CCDC102B: variants seen among roughly 807,000 people sequenced by gnomAD.
The protein encoded by CCDC102B is coiled-coil domain containing 102B, also known as coiled-coil domain-containing protein 102B.
Under a neutral mutation model 57.4 loss-of-function variants are expected in CCDC102B, and 75 were observed. The ratio of observed to expected loss-of-function variants is 1.31; its 90% CI spans 1.08 to 1.58. The LOEUF is 1.58. CCDC102B is among the 40% of genes most tolerant of loss of function. CCDC102B has a pLI of 0.00. For synonymous variants in CCDC102B, 206 were observed against 201.9 expected (o/e 1.02, Z -0.17); for missense variants, 636 against 582.6 (o/e 1.09, Z -0.94).
chr18:68,901,278 T>C (rs1439939111), intron 6 of CCDC102B, among the ~76,000 whole-genome samples: 1 of 152,156 alleles, frequency 6.6e-6, no homozygotes, highest in Non-Finnish European at 1.5e-5. Context: ...AAGATCAAGA[T>C]GGTAAATATT....
intron 6 of CCDC102B, among the ~76,000 whole-genome samples, chr18:69,010,471 T>C (rs1350942523): frequency 2.1e-5 from 3 of 146,136 alleles, no homozygotes; most frequent in Non-Finnish European, 4.4e-5. Flanking sequence ...GCCTGGTTCA[T>C]GTGGTTTCAG....
intron 3 of CCDC102B, among the ~76,000 whole-genome samples, chr18:68,843,992 A>G (rs2037746981): frequency 3.9e-5 from 6 of 151,922 alleles, no homozygotes; most frequent in Admixed American, 3.3e-4. Context: ...TAAGTATCCC[A>G]TTGTCATTAA....
Position 68,902,676 on chromosome 18 carries a change from G to A in CCDC102B, c.1263+5248G>A, listed in dbSNP as rs146439984. Among the ~76,000 whole-genome samples the A allele has an allele frequency of 1.6e-3, 245 of 152,258 alleles. 2 individuals carry two copies. The highest frequency in any genetic ancestry group is 5.6e-3 in the African/African-American group (231 of 41,544). On this transcript the variant is annotated intron_variant, in intron 6 of 7. Transcript: ENST00000360242. ...TCTGCTTTTGTTGCAGCTTCTGGCA[G>A]CCCTTCTCATGAAGCCTGCTACAGT...
At chr18:68,766,097 G>A (rs1164030528) in intron 2 of CCDC102B, among the ~76,000 whole-genome samples, 1 of 152,036 alleles carries the variant, frequency 6.6e-6, no homozygotes, top group Non-Finnish European at 1.5e-5. Context: ...CAATTATTTT[G>A]ATTCCTATTT....
exon 1 of CCDC102B, chr18:68,715,278 G>A (rs1349033693): frequency 3.1e-6 from 4 of 1,283,984 alleles, no homozygotes; most frequent in Non-Finnish European, 4.0e-6. Context: ...CCTGCTTAAG[G>A]GCTTTACTAG....
At chr18:68,787,544 G>T (rs1166882080) in intron 2 of CCDC102B, among the ~76,000 whole-genome samples, 2 of 151,266 alleles carry the variant, frequency 1.3e-5, no homozygotes, top group Non-Finnish European at 2.9e-5. Flanking sequence ...ACTTCTTCCT[G>T]GTTTAGTCTT....
intron 6 of CCDC102B, among the ~76,000 whole-genome samples, chr18:68,976,324 G>A (rs899382582): frequency 6.6e-6 from 1 of 151,828 alleles, no homozygotes; most frequent in South Asian, 2.1e-4. Flanking sequence ...TTCTTATTTT[G>A]ATAATAAAAA....
At chr18:68,733,478 T>TTATG (rs2032976342) in intron 2 of CCDC102B, among the ~76,000 whole-genome samples, 1 of 25,132 alleles carries the variant, frequency 4.0e-5, no homozygotes. Context: ...TTAGACAACT[T>TTATG]TATATATATA....
chr18:69,036,435 G>A (rs1285238097), intron 7 of CCDC102B, among the ~76,000 whole-genome samples: 12 of 151,976 alleles, frequency 7.9e-5, no homozygotes, highest in Admixed American at 7.2e-4. Context: ...AGTAGCAATA[G>A]GAACAAAGGA....
chr18:68,986,395 T>G (rs1021297702), intron 6 of CCDC102B, among the ~76,000 whole-genome samples: 3 of 152,124 alleles, frequency 2.0e-5, no homozygotes, highest in African/African-American at 7.2e-5. Context: ...GCAAACACCA[T>G]ATGATCGTCT....
At chr18:68,842,679 T>C (rs2037688904) in intron 3 of CCDC102B, among the ~76,000 whole-genome samples, 1 of 152,128 alleles carries the variant, frequency 6.6e-6, no homozygotes, top group South Asian at 2.1e-4. Context: ...TGGTGCTTAG[T>C]GACACCACTC....
At chr18:69,047,399 T>TA (rs1213315563) in intron 7 of CCDC102B, among the ~76,000 whole-genome samples, 2 of 151,992 alleles carry the variant, frequency 1.3e-5, no homozygotes, top group Non-Finnish European at 1.5e-5. Context: ...TTCAAAATAA[T>TA]AAGAGCCATC....
intron 2 of CCDC102B, among the ~76,000 whole-genome samples, chr18:68,742,787 G>A (rs1488566828): frequency 1.3e-5 from 2 of 152,132 alleles, no homozygotes; most frequent in Admixed American, 1.3e-4. Flanking sequence ...GCTGCATAGT[G>A]CTTTGTTTTC....
At chr18:68,849,261 C>T (rs1019523191) in intron 4 of CCDC102B, among the ~76,000 whole-genome samples, 1 of 152,098 alleles carries the variant, frequency 6.6e-6, no homozygotes, top group Non-Finnish European at 1.5e-5. Context: ...ATTCTGCGTA[C>T]ATCAAGGCAA....
intron 6 of CCDC102B, among the ~76,000 whole-genome samples, chr18:68,920,668 A>G (rs1346348024): frequency 6.6e-6 from 1 of 152,144 alleles, no homozygotes; most frequent in African/African-American, 2.4e-5. Context: ...GGGAGGCCTC[A>G]GGAAACTTAC....
chr18:69,000,178 T>C (rs1193914541), intron 6 of CCDC102B, among the ~76,000 whole-genome samples: 24 of 152,182 alleles, frequency 1.6e-4, no homozygotes, highest in Admixed American at 6.5e-5. Flanking sequence ...TAGCTATGTA[T>C]AAAACAACAA....
chr18:68,837,933 T>C lies in CCDC102B; in HGVS notation c.606+564T>C, dbSNP rs9944931. ...GCTCATTCTTGAGAGAATTAAGGAATGAATCATCCTAGGTAACCTGGAATC... is the reference window on the plus strand; with the variant it reads ...GCTCATTCTTGAGAGAATTAAGGAACGAATCATCCTAGGTAACCTGGAATC... On this transcript the variant is annotated intron_variant, in intron 2 of 7. Transcript: ENST00000360242. 1.7e-3 allele frequency among the ~76,000 whole-genome samples: 258 copies of C among 152,314 alleles called. 1 individual carries two copies. The highest frequency in any genetic ancestry group is 5.8e-3 in the African/African-American group (243 of 41,570).
intron 6 of CCDC102B, among the ~76,000 whole-genome samples, chr18:68,983,583 A>G (rs1428744960): frequency 6.6e-6 from 1 of 152,012 alleles, no homozygotes; most frequent in Non-Finnish European, 1.5e-5. Flanking sequence ...TGCAGTAACA[A>G]TCCCCTATGT....
At chr18:68,967,939 T>A (rs1312424717) in intron 6 of CCDC102B, among the ~76,000 whole-genome samples, 10 of 151,988 alleles carry the variant, frequency 6.6e-5, no homozygotes. Flanking sequence ...CAGAAAAAAA[T>A]TACTAATACA....
Sources: gnomAD v4.1 joint callset for allele counts (sites outside exome capture counted in the v4.1 genomes callset) on GRCh38, gnomAD v4.1.1 for gene constraint, MANE v1.5 for transcripts, NCBI Gene and HGNC (gene_info 2026-07-23, HGNC 2026-07-21) for gene names.